PIGQ: variants seen among roughly 807,000 people sequenced by gnomAD.
PIGQ encodes phosphatidylinositol glycan anchor biosynthesis class Q.
Under a neutral mutation model 60.3 loss-of-function variants are expected in PIGQ, and 54 were observed. That is an observed-to-expected ratio of 0.90 (90% confidence interval 0.72 to 1.12). PIGQ has a LOEUF of 1.12. Among genes scored for constraint, PIGQ ranks in the 50% most tolerant of loss-of-function variants. PIGQ has a pLI of 0.00. For missense variants in PIGQ, 799 were observed against 793.5 expected (o/e 1.01, Z -0.08); for synonymous variants, 416 against 363.7 (o/e 1.14, Z -1.64).
In PIGQ at chr16:575,445, C is replaced by T. The variant is rs568178031; in HGVS notation, c.690-394C>T. Among the ~76,000 whole-genome samples the T allele has an allele frequency of 5.3e-5, 8 of 152,298 alleles. No homozygotes were observed. The South Asian group carries it at 1.7e-3, about 32-fold the overall frequency. On this transcript the variant is annotated intron_variant, in intron 2 of 10. Coordinates refer to ENST00000321878, the MANE Select transcript of PIGQ (RefSeq NM_004204.5). ...GCCCCCTGCCTTAGACCCGGGGGTG[C>T]ATACTCTGGAAGCCTGGGGTGAGAA...
intron 8 of PIGQ, chr16:580,503 A>G (rs1425952165): frequency 3.6e-6 from 2 of 548,400 alleles, no homozygotes; most frequent in Non-Finnish European, 6.5e-6. Context: ...GAAGGACCCC[A>G]CGGCAGGTGG....
rs1442573490 is a variant in PIGQ, at chr16:582,816, C to A, written c.1594-67C>A. On this transcript the variant is annotated intron_variant, in intron 10 of 10. Transcript: ENST00000321878. ...GCCCTGCCTCACAACTGCCCGCCCCCACCCTCTCTCTGCAGACGGGGTTGG... is the reference window on the plus strand; with the variant it reads ...GCCCTGCCTCACAACTGCCCGCCCCAACCCTCTCTCTGCAGACGGGGTTGG... 2.7e-6 allele frequency: 4 copies of A among 1,496,214 alleles called. No homozygotes were observed. The East Asian group carries it at 6.8e-5, about 25-fold the overall frequency. 92.7% of individuals were successfully genotyped at this position (1,496,214 alleles called of 1,614,324 possible). A position where few individuals can be genotyped will look rare whatever the true frequency, so the allele number is the denominator to read the frequency against.
In PIGQ at chr16:574,265, G is replaced by A; in HGVS notation, c.191G>A (p.Gly64Asp). Residue 64 changes from glycine (G) to aspartate (D), a missense_variant, in exon 2 of 11, where the codon GGC (glycine) becomes GAC (aspartate). Gly to Asp is a moderately conservative substitution (Grantham distance 94, BLOSUM62 -1). Transcript: ENST00000321878. ...QASQVGVAVL[G>D]TWCHCRQEPE... Reference sequence around the variant, plus strand: ...AGCCAGGTGGGCGTGGCCGTGCTGGGCACCTGGTGCCACTGCCGGCAGGAG... The same window carrying A: ...AGCCAGGTGGGCGTGGCCGTGCTGGACACCTGGTGCCACTGCCGGCAGGAG... 6.2e-7 allele frequency: 1 copy of A among 1,608,020 alleles called. No homozygotes were observed.
At chr16:582,192 C>A in intron 9 of PIGQ, 56 bp from the exon 10 acceptor site, 2 of 1,274,290 alleles carry the variant, frequency 1.6e-6, no homozygotes, top group African/African-American at 1.5e-5. Context: ...AGCCTCTGCT[C>A]ATGTGTGGGG....
chr16:571,145 C>G (rs372401360), intron 1 of PIGQ, among the ~76,000 whole-genome samples: 29 of 32,090 alleles, frequency 9.0e-4, no homozygotes, highest in East Asian at 4.0e-3. Flanking sequence ...GTGTGTGTGT[C>G]TGGCTAGCCT....
chr16:580,083 A>G, intron 7 of PIGQ, 100 bp from the exon 8 acceptor site: 1 of 821,982 alleles, frequency 1.2e-6, no homozygotes, highest in East Asian at 2.7e-5. Flanking sequence ...GGAAGCCGCA[A>G]GGTCCCGACT....
At chr16:571,806 T>C (rs2035634410) in intron 1 of PIGQ, among the ~76,000 whole-genome samples, 1 of 152,076 alleles carries the variant, frequency 6.6e-6, no homozygotes, top group Non-Finnish European at 1.5e-5. Context: ...TGATGGGCGT[T>C]TGCCCCACAG....
intron 3 of PIGQ, 46 bp downstream of exon 3, chr16:576,016 G>A (rs1219021991): frequency 6.4e-7 from 1 of 1,556,044 alleles, no homozygotes; most frequent in Non-Finnish European, 8.7e-7. Context: ...CGTGCCCTCT[G>A]GCCCCTTCTC....
chr16:580,539 G>T, intron 8 of PIGQ: 2 of 551,200 alleles, frequency 3.6e-6, no homozygotes, highest in Non-Finnish European at 6.5e-6. Context: ...CTCCCCTGGT[G>T]CCTGGCACTG....
chr16:580,057 A>G (rs2035787601), intron 7 of PIGQ, 126 bp from the exon 8 acceptor site: 2 of 642,324 alleles, frequency 3.1e-6, no homozygotes, highest in South Asian at 4.4e-5. Context: ...TGAGCAGGCC[A>G]TCCCGAGTTC....
At chr16:572,889 A>G (rs2151043409) in intron 1 of PIGQ, among the ~76,000 whole-genome samples, 1 of 152,322 alleles carries the variant, frequency 6.6e-6, no homozygotes, top group Middle Eastern at 3.4e-3. Context: ...AGGCCAAGCT[A>G]TGTCCCTCCC....
Position 574,063 on chromosome 16 carries a change from C to T in PIGQ, c.-9-3C>T. 1 of 1,582,538 alleles carries T rather than the reference C, an allele frequency of 6.3e-7. No individual in the cohort carries two copies. The highest frequency in any genetic ancestry group is 8.6e-7 in the Non-Finnish European group (1 of 1,163,994). On this transcript the variant is annotated splice_polypyrimidine_tract_variant and splice_region_variant and intron_variant, in intron 1 of 10. Coordinates refer to ENST00000321878, the MANE Select transcript of PIGQ (RefSeq NM_004204.5). ...GAGCCGAGCCTCTCCTCTTCTCTTC[C>T]AGCCTCCCGGCATGGTGCTCAAGGC...
chr16:572,543 C>A (rs1408280752), intron 1 of PIGQ: 7 of 455,454 alleles, frequency 1.5e-5, no homozygotes, highest in Non-Finnish European at 2.6e-5. Flanking sequence ...ACGTGTGCAT[C>A]CTGCTCTGTT....
In PIGQ at chr16:575,987, G is replaced by A; in HGVS notation, c.821+17G>A. On this transcript the variant is annotated intron_variant, in intron 3 of 10. Coordinates refer to ENST00000321878, the MANE Select transcript of PIGQ (RefSeq NM_004204.5). Reference sequence around the variant, plus strand: ...GCTGATGAGGTGTGGGCCTGCCCTGGTCTCTGCAGGGCTGGGTGCGTGCCC... The same window carrying A: ...GCTGATGAGGTGTGGGCCTGCCCTGATCTCTGCAGGGCTGGGTGCGTGCCC... 1.3e-6 allele frequency: 2 copies of A among 1,574,958 alleles called. No individual in the cohort carries two copies. The highest frequency in any genetic ancestry group is 1.2e-5 in the South Asian group (1 of 86,020).
rs762635615 is a variant in PIGQ at position 574,129 on chromosome 16, C to G, written c.55C>G (p.Leu19Val). Residue 19 changes from leucine to valine, a missense_variant, in exon 2 of 11, where the codon CTG becomes GTG. Leu to Val is a conservative substitution (Grantham distance 32). Coordinates refer to ENST00000321878, the MANE Select transcript of PIGQ (RefSeq NM_004204.5). ...CTGCGTCTCGACGGACAGCGGGCTGCTGGTGGGACGGTGGGTGCCGGAGCA... is the reference window on the plus strand; with the variant it reads ...CTGCGTCTCGACGGACAGCGGGCTGGTGGTGGGACGGTGGGTGCCGGAGCA... ...TCCVSTDSGL[L>V]VGRWVPEQSS... The G allele has an allele frequency of 6.2e-7, 1 of 1,611,674 alleles. No individual in the cohort carries two copies. The highest frequency in any genetic ancestry group is 1.7e-5 in the Admixed American group (1 of 59,980).
chr16:578,165 G>T, intron 4 of PIGQ: 1 of 534,868 alleles, frequency 1.9e-6, no homozygotes, highest in Admixed American at 3.3e-5. Flanking sequence ...ATGTCACCCA[G>T]GCCTGCAGAG....
intron 1 of PIGQ, chr16:572,473 G>T: frequency 2.2e-6 from 1 of 455,474 alleles, no homozygotes; most frequent in South Asian, 1.5e-5. Flanking sequence ...ATTTCCGTGT[G>T]AGGCCTCTTC....
intron 9 of PIGQ, 142 bp from the exon 10 acceptor site, chr16:582,106 G>A (rs1435886850): frequency 7.0e-6 from 5 of 712,180 alleles, no homozygotes; most frequent in Admixed American, 4.0e-5. Flanking sequence ...GTTGGGCGAC[G>A]GAGGGGGCGG....
At chr16:571,748 G>A (rs1283708442) in intron 1 of PIGQ, among the ~76,000 whole-genome samples, 2 of 152,064 alleles carry the variant, frequency 1.3e-5, no homozygotes, top group African/African-American at 4.8e-5. Flanking sequence ...AGCTGCTAGT[G>A]CAGGCTTCTT....
Sources: gnomAD v4.1 joint callset for allele counts (sites outside exome capture counted in the v4.1 genomes callset) on GRCh38, gnomAD v4.1.1 for gene constraint, MANE v1.5 for transcripts, NCBI Gene and HGNC (gene_info 2026-07-23, HGNC 2026-07-21) for gene names.